PPEF1: variants seen among roughly 807,000 people sequenced by gnomAD.
PPEF1 encodes the protein protein phosphatase with EF-hand domain 1, also known as serine/threonine-protein phosphatase with EF-hands 1.
A neutral mutation model predicts 53.3 loss-of-function variants in PPEF1; 12 were observed. That is an observed-to-expected ratio of 0.23 (90% CI 0.14 to 0.36). PPEF1 has a LOEUF of 0.36. Ranked by LOEUF, PPEF1 falls within the 10% of genes least tolerant of loss-of-function variation. PPEF1 has a pLI of 1.00. For synonymous variants in PPEF1, 165 were observed against 176.7 expected, an observed-to-expected ratio of 0.93 and a Z score of 0.52; for missense variants, 334 against 490.4, an observed-to-expected ratio of 0.68 and a Z score of 3.01.
intron 5 of PPEF1, chrX:18,699,915 T>A (rs1428785490): frequency 8.8e-6 from 1 of 113,004 alleles, no homozygotes; most frequent in Non-Finnish European, 1.9e-5. Flanking sequence ...TGCTCTTATT[T>A]ACTGAAATTC....
chrX:18,817,378 A>G (rs960548016), intron 12 of PPEF1, among the ~76,000 whole-genome samples: 1 of 109,205 alleles, frequency 9.2e-6, no homozygotes, highest in African/African-American at 3.3e-5. Context: ...GTCTGGCTCT[A>G]TTGCCCAGGC....
chrX:18,780,502 C>T (rs1355350086), intron 7 of PPEF1, among the ~76,000 whole-genome samples: 3 of 111,952 alleles, frequency 2.7e-5, no homozygotes, highest in East Asian at 2.8e-4. Context: ...GGAATTTGGA[C>T]GGACTTCCAA....
intron 3 of PPEF1, among the ~76,000 whole-genome samples, chrX:18,744,014 C>T (rs746677391): frequency 9.1e-6 from 1 of 110,168 alleles, no homozygotes; most frequent in South Asian, 3.9e-4. Context: ...CCTCAGGCTC[C>T]CGAGTAGCTG....
chrX:18,706,123 G>A (rs757161314), upstream of PPEF1, among the ~76,000 whole-genome samples: 94 of 105,669 alleles, frequency 8.9e-4, no homozygotes, highest in Non-Finnish European at 1.5e-3. Context: ...AAAATTAGCC[G>A]GGTGTCACGG....
At chrX:18,785,458 C>T (rs754214669) in intron 9 of PPEF1, among the ~76,000 whole-genome samples, 1 of 111,230 alleles carries the variant, frequency 9.0e-6, no homozygotes, top group African/African-American at 3.3e-5. Flanking sequence ...TTTTACAGCC[C>T]TCTCCTGATT....
chrX:18,743,092 C>T (rs2045221580), intron 3 of PPEF1, among the ~76,000 whole-genome samples: 1 of 112,086 alleles, frequency 8.9e-6, no homozygotes. Context: ...ATCTCTTCCT[C>T]AGAGGAGTGG....
At chrX:18,723,741 G>A (rs1016565522) in intron 1 of PPEF1, among the ~76,000 whole-genome samples, 6 of 110,836 alleles carry the variant, frequency 5.4e-5, no homozygotes, top group East Asian at 2.8e-4. Context: ...GAATGTGAGC[G>A]GGAGAAGGTG....
chrX:18,809,574 G>A (rs767738742), intron 12 of PPEF1, among the ~76,000 whole-genome samples: 5 of 109,080 alleles, frequency 4.6e-5, no homozygotes, highest in Non-Finnish European at 9.5e-5. Context: ...ACGTGATGGC[G>A]CACACCTGTA....
At chrX:18,680,448 A>C (rs867297060), upstream of PPEF1, among the ~76,000 whole-genome samples, 1 of 17,627 alleles carries the variant, frequency 5.7e-5, no homozygotes, top group African/African-American at 3.3e-4. Context: ...TTTTTTTTTG[A>C]TACGGCATCT....
chrX:18,732,572 TG>T (rs2044862560), intron 2 of PPEF1, among the ~76,000 whole-genome samples: 1 of 112,189 alleles, frequency 8.9e-6, no homozygotes, highest in African/African-American at 3.2e-5. Context: ...GATGTCTGAT[TG>T]TGGTTTCTAT....
chrX:18,679,526 A>G (rs1017618300), upstream of PPEF1, among the ~76,000 whole-genome samples: 3 of 111,714 alleles, frequency 2.7e-5, no homozygotes, highest in Admixed American at 9.5e-5. Context: ...AGATCTATCT[A>G]TGCTAGCTTT....
At chrX:18,683,547 G>A (rs1244596100) in intron 1 of PPEF1, among the ~76,000 whole-genome samples, 1 of 111,874 alleles carries the variant, frequency 8.9e-6, no homozygotes, top group Non-Finnish European at 1.9e-5. Flanking sequence ...GAGGCACAGA[G>A]TAAGTTGGTA....
chrX:18,681,122 G>T (rs932681886), upstream of PPEF1, among the ~76,000 whole-genome samples: 2 of 111,334 alleles, frequency 1.8e-5, no homozygotes, highest in Non-Finnish European at 3.8e-5. Flanking sequence ...AATCCTTTGG[G>T]TATATACCCA....
chrX:18,684,730 G>A (rs1028283185), exon 2 of PPEF1, among the ~76,000 whole-genome samples: 2 of 109,643 alleles, frequency 1.8e-5, no homozygotes, highest in African/African-American at 3.3e-5. Context: ...GGGTTCAAGC[G>A]ATTCTCCTGC....
chrX:18,725,192 T>G (rs1252742222), intron 1 of PPEF1, among the ~76,000 whole-genome samples: 2 of 110,921 alleles, frequency 1.8e-5, no homozygotes, highest in Non-Finnish European at 3.8e-5. Flanking sequence ...CAGGGTCTAG[T>G]CAGGAGGCAG....
Position 18,740,595 on chromosome X carries a change from G to C in PPEF1, c.235+6787G>C, listed in dbSNP as rs1022016053. ...CAGCTAATTTTTTGTATTTTTAGTA[G>C]AGACAGGGTTTGAGAATGTTGACCA... On this transcript the variant is annotated intron_variant, in intron 3 of 15. Transcript: ENST00000470157. Among the ~76,000 whole-genome samples the C allele has an allele frequency of 1.0e-4, 11 of 110,059 alleles. No homozygotes were observed. The South Asian group carries it at 4.3e-3, about 43-fold the overall frequency.
chrX:18,791,778 G>A (rs764230490), intron 10 of PPEF1, among the ~76,000 whole-genome samples: 1 of 111,992 alleles, frequency 8.9e-6, no homozygotes, highest in Non-Finnish European at 1.9e-5. Flanking sequence ...ACTGGGGAAA[G>A]CATTCAGTCT....
intron 1 of PPEF1, among the ~76,000 whole-genome samples, chrX:18,684,289 C>T (rs1273344443): frequency 8.9e-6 from 1 of 111,791 alleles, no homozygotes; most frequent in East Asian, 2.8e-4. Flanking sequence ...AAGATAGTGG[C>T]TTGATGTGGT....
chrX:18,717,254 C>T (rs756126686), intron 1 of PPEF1, among the ~76,000 whole-genome samples: 4 of 108,421 alleles, frequency 3.7e-5, no homozygotes, highest in African/African-American at 1.0e-4. Context: ...TTAACCTCTA[C>T]GTACTTCAGC....
Sources: allele counts gnomAD v4.1 joint callset (sites outside exome capture counted in the v4.1 genomes callset), GRCh38; gene constraint gnomAD v4.1.1; transcripts MANE v1.5; gene names NCBI Gene and HGNC (gene_info 2026-07-23, HGNC 2026-07-21).